The following CTTNBP2 variants were observed in gnomAD, a reference collection of about 807,000 sequenced individuals.
The protein encoded by CTTNBP2 is cortactin binding protein 2.
A neutral mutation model predicts 156.9 loss-of-function variants in CTTNBP2; 108 were observed. The ratio of observed to expected loss-of-function variants is 0.69; its 90% CI spans 0.59 to 0.81. CTTNBP2 has a LOEUF of 0.81. Ranked by LOEUF, CTTNBP2 falls within the 30% of genes least tolerant of loss-of-function variation. The pLI, the probability that CTTNBP2 is intolerant of heterozygous loss-of-function variation, is 0.00. For synonymous variants in CTTNBP2, 767 were observed against 751.8 expected (o/e 1.02, Z -0.33); for missense variants, 1,924 against 2,035.4 (o/e 0.95, Z 1.05).
intron 3 of CTTNBP2, among the ~76,000 whole-genome samples, chr7:117,800,680 G>A (rs1345845819): frequency 6.6e-6 from 1 of 151,968 alleles, no homozygotes; most frequent in Non-Finnish European, 1.5e-5. Context: ...GAAAAAAGGA[G>A]TCATAAATAG....
At chr7:117,821,252 C>G (rs138820386) in intron 2 of CTTNBP2, among the ~76,000 whole-genome samples, 2 of 152,110 alleles carry the variant, frequency 1.3e-5, no homozygotes, top group Non-Finnish European at 2.9e-5. Context: ...CTACCTTGAA[C>G]AAAAGTGCTG....
At chr7:117,820,484 A>G (rs1003052197) in intron 2 of CTTNBP2, among the ~76,000 whole-genome samples, 7 of 152,146 alleles carry the variant, frequency 4.6e-5, no homozygotes, top group Admixed American at 4.6e-4. Context: ...AAGTCTAAAG[A>G]TTTTCTCCTG....
At chr7:117,800,181 C>T (rs957374005) in intron 3 of CTTNBP2, among the ~76,000 whole-genome samples, 4 of 151,622 alleles carry the variant, frequency 2.6e-5, no homozygotes, top group African/African-American at 9.7e-5. Context: ...TTTAGACTAG[C>T]CAAACAATTT....
intron 3 of CTTNBP2, among the ~76,000 whole-genome samples, chr7:117,796,398 G>C (rs1056388281): frequency 6.6e-6 from 1 of 151,916 alleles, no homozygotes; most frequent in Non-Finnish European, 1.5e-5. Context: ...AAGAGATGTA[G>C]TACAAAATAA....
At chr7:117,847,004 A>G (rs538654544) in intron 2 of CTTNBP2, among the ~76,000 whole-genome samples, 1 of 152,296 alleles carries the variant, frequency 6.6e-6, no homozygotes, top group East Asian at 1.9e-4. Flanking sequence ...CTTAGAGACA[A>G]TTTGAGACTG....
rs977611630 is a variant in CTTNBP2, at chr7:117,791,883, T to C, written c.1313A>G (p.His438Arg). 1 of 1,614,176 alleles carries C rather than the reference T, an allele frequency of 6.2e-7. No homozygotes were observed. The highest frequency in any genetic ancestry group is 8.5e-7 in the Non-Finnish European group (1 of 1,180,044). Residue 438 changes from histidine (H) to arginine (R), a missense_variant, in exon 4 of 23, where the codon CAT (histidine) becomes CGT (arginine). His to Arg is a conservative substitution (Grantham distance 29). Coordinates refer to ENST00000160373, the MANE Select transcript of CTTNBP2 (RefSeq NM_033427.3). ...LHSPCANTSL[H>R]PGLNPRIQAA... Reference sequence around the variant, plus strand: ...TTGGATTCGTGGGTTTAGACCTGGATGCAAAGAGGTGTTGGCACATGGTGA... The same window carrying C: ...TTGGATTCGTGGGTTTAGACCTGGACGCAAAGAGGTGTTGGCACATGGTGA...
intron 21 of CTTNBP2, among the ~76,000 whole-genome samples, chr7:117,718,717 TTATGATGA>T (rs1204626102): frequency 6.6e-6 from 1 of 152,202 alleles, no homozygotes; most frequent in African/African-American, 2.4e-5. Flanking sequence ...AGCTTAGAGA[TTATGATGA>T]TATGCATTAT....
intron 14 of CTTNBP2, among the ~76,000 whole-genome samples, chr7:117,741,049 G>A (rs1795985246): frequency 6.6e-6 from 1 of 152,176 alleles, no homozygotes; most frequent in Non-Finnish European, 1.5e-5. Flanking sequence ...GGAGCCTTGG[G>A]AGTATAACAG....
At chr7:117,770,750 G>A (rs1015827476) in intron 8 of CTTNBP2, among the ~76,000 whole-genome samples, 2 of 152,134 alleles carry the variant, frequency 1.3e-5, no homozygotes, top group Non-Finnish European at 2.9e-5. Flanking sequence ...GGAGCAGGAG[G>A]AGGTAAAGAG....
intron 2 of CTTNBP2, among the ~76,000 whole-genome samples, chr7:117,854,026 T>G (rs1365565542): frequency 2.0e-5 from 3 of 152,330 alleles, no homozygotes; most frequent in African/African-American, 7.2e-5. Context: ...TATTTCAGTG[T>G]TTGTCCTGCT....
At chr7:117,869,380 G>C (rs1281418963) in intron 1 of CTTNBP2, among the ~76,000 whole-genome samples, 1 of 152,110 alleles carries the variant, frequency 6.6e-6, no homozygotes, top group Non-Finnish European at 1.5e-5. Context: ...CAGCTTCTTG[G>C]TGAGCTTCTT....
At chr7:117,717,184 T>TAGTC (rs930335076) in intron 22 of CTTNBP2, among the ~76,000 whole-genome samples, 2 of 152,210 alleles carry the variant, frequency 1.3e-5, no homozygotes, top group African/African-American at 4.8e-5. Context: ...TGCAGTGCTG[T>TAGTC]AGTCATGGAA....
intron 1 of CTTNBP2, among the ~76,000 whole-genome samples, chr7:117,868,615 A>G (rs573174977): frequency 1.5e-4 from 23 of 152,344 alleles, no homozygotes; most frequent in South Asian, 1.0e-3. Context: ...ATCTTTCAAT[A>G]TCGATGTCAT....
At chr7:117,848,604 A>C (rs777212360) in intron 2 of CTTNBP2, among the ~76,000 whole-genome samples, 23 of 152,150 alleles carry the variant, frequency 1.5e-4, no homozygotes, top group African/African-American at 4.6e-4. Flanking sequence ...ATAAACAACA[A>C]CACATCATGT....
chr7:117,789,221 T>C (rs985309458), intron 4 of CTTNBP2, among the ~76,000 whole-genome samples: 1 of 152,210 alleles, frequency 6.6e-6, no homozygotes, highest in African/African-American at 2.4e-5. Context: ...GTTTTAAAGC[T>C]TCTCTGCCGA....
chr7:117,768,034 C>T (rs764020270), intron 8 of CTTNBP2, among the ~76,000 whole-genome samples: 19 of 151,864 alleles, frequency 1.3e-4, no homozygotes, highest in Non-Finnish European at 2.6e-4. Flanking sequence ...GACCAGAAAG[C>T]ATGAAAAGGA....
intron 1 of CTTNBP2, among the ~76,000 whole-genome samples, chr7:117,872,703 A>G (rs1380584489): frequency 6.6e-6 from 1 of 152,092 alleles, no homozygotes; most frequent in Non-Finnish European, 1.5e-5. Context: ...CCCCACCCCA[A>G]TCACTACCAC....
At chr7:117,770,199 G>C (rs143636657) in intron 8 of CTTNBP2, among the ~76,000 whole-genome samples, 61 of 152,270 alleles carry the variant, frequency 4.0e-4, no homozygotes, top group Non-Finnish European at 7.9e-4. Context: ...ATTACAAACA[G>C]AAATGATAAA....
chr7:117,873,351 G>C lies in CTTNBP2; in HGVS notation c.65C>G (p.Ala22Gly), dbSNP rs530872811. ...LSRAPEDAAG[A>G]AAEAAKKEFD... ...CTCGGTTACCGCCGCCTCCGCCGCG[G>C]CCCCCGCCGCGTCCTCCGGGGCCCG... The change falls in exon 1 of 23, where the codon GCC becomes GGC. Residue 22 changes from alanine to glycine, a missense_variant. Coordinates refer to ENST00000160373, the MANE Select transcript of CTTNBP2 (RefSeq NM_033427.3). The C allele has an allele frequency of 6.9e-7, 1 of 1,455,136 alleles. No individual in the cohort carries two copies. The highest frequency in any genetic ancestry group is 1.3e-5 in the South Asian group (1 of 74,618). 90.1% of individuals were successfully genotyped at this position (1,455,136 alleles called of 1,614,324 possible).
Sources: allele counts gnomAD v4.1 joint callset (sites outside exome capture counted in the v4.1 genomes callset), GRCh38; gene constraint gnomAD v4.1.1; transcripts MANE v1.5; gene names NCBI Gene and HGNC (gene_info 2026-07-23, HGNC 2026-07-21).